The following FNIP2 variants were observed in gnomAD, a reference collection of about 807,000 sequenced individuals.
The protein encoded by FNIP2 is folliculin interacting protein 2.
FNIP2 carries 32 observed loss-of-function variants against 108.7 expected under a neutral mutation model. That is an observed-to-expected ratio of 0.29 (90% confidence interval 0.22 to 0.40). The LOEUF is 0.40. Ranked by LOEUF, FNIP2 falls within the 10% of genes least tolerant of loss-of-function variation. The probability of loss-of-function intolerance (pLI) is 1.00; values close to 1 mark genes in which losing one functional copy is unlikely to be tolerated. For synonymous variants in FNIP2, 480 were observed against 496.7 expected (o/e 0.97, Z 0.45); for missense variants, 1,202 against 1,381.6 (o/e 0.87, Z 2.06).
chr4:158,865,196 ATT>A (rs1413706853), intron 12 of FNIP2, among the ~76,000 whole-genome samples: 1 of 152,148 alleles, frequency 6.6e-6, no homozygotes, highest in African/African-American at 2.4e-5. Context: ...ATATAACAAC[ATT>A]TATTATCTTA....
chr4:158,882,787 G>A lies in FNIP2; in HGVS notation c.2950-8659G>A, dbSNP rs371511670. Among the ~76,000 whole-genome samples, 35 of 152,276 alleles carry A rather than the reference G, an allele frequency of 2.3e-4. No individual in the cohort carries two copies. In the East Asian group the frequency reaches 6.4e-3, roughly 28 times the overall value. ...GCAAGATGTGCTTTGTTAAACAGAT[G>A]CTTGAAGGCAGCATGCTCCTTAAGA... On this transcript the variant is annotated intron_variant, in intron 14 of 16. Coordinates refer to ENST00000264433, the MANE Select transcript of FNIP2 (RefSeq NM_020840.3).
intron 16 of FNIP2, among the ~76,000 whole-genome samples, chr4:158,899,251 A>G (rs1782980323): frequency 6.6e-6 from 1 of 152,152 alleles, no homozygotes; most frequent in Non-Finnish European, 1.5e-5. Flanking sequence ...TCAGTTTGCC[A>G]GTGTTTTATT....
At chr4:158,882,257 C>G (rs1320646255) in intron 14 of FNIP2, among the ~76,000 whole-genome samples, 1 of 148,134 alleles carries the variant, frequency 6.8e-6, no homozygotes, top group Non-Finnish European at 1.5e-5. Context: ...AGTGAGGAGC[C>G]CCTCCGCCTG....
At chr4:158,772,942 G>A (rs981458605) in intron 1 of FNIP2, among the ~76,000 whole-genome samples, 1 of 152,066 alleles carries the variant, frequency 6.6e-6, no homozygotes, top group African/African-American at 2.4e-5. Flanking sequence ...GAACTTACTT[G>A]CTGTTCTTGT....
intron 1 of FNIP2, among the ~76,000 whole-genome samples, chr4:158,792,708 A>G (rs550773031): frequency 6.6e-6 from 1 of 152,318 alleles, no homozygotes; most frequent in South Asian, 2.1e-4. Flanking sequence ...GTGGTTCGGT[A>G]TTCACTAATT....
At chr4:158,830,418 G>A (rs937144220) in intron 3 of FNIP2, among the ~76,000 whole-genome samples, 9 of 151,342 alleles carry the variant, frequency 5.9e-5, no homozygotes, top group Non-Finnish European at 8.8e-5. Context: ...GCCCGCCACC[G>A]CGCCCGGCTA....
chr4:158,846,363 G>T lies in FNIP2; in HGVS notation c.728-4958G>T, dbSNP rs73858595. 5.9e-3 allele frequency among the ~76,000 whole-genome samples: 903 copies of T among 152,012 alleles called. 7 individuals are homozygous for T. Among genetic ancestry groups the T allele is most frequent in the African/African-American group, 0.02 (811 of 41,462 alleles). On this transcript the variant is annotated intron_variant, in intron 7 of 16. Coordinates refer to ENST00000264433, the MANE Select transcript of FNIP2 (RefSeq NM_020840.3). The stretch of plus-strand genomic sequence containing the variant: ...TGATCCACTAGACAATTCAGAATCC[G>T]CTAGCAGATAGCAGCTTTCATGAAA...
At chr4:158,866,406 C>T (rs1173114290) in intron 12 of FNIP2, among the ~76,000 whole-genome samples, 9 of 149,014 alleles carry the variant, frequency 6.0e-5, no homozygotes, top group Non-Finnish European at 1.0e-4. Flanking sequence ...TGGGTAGAGA[C>T]GGGGTTTCAC....
intron 16 of FNIP2, among the ~76,000 whole-genome samples, chr4:158,903,170 G>A (rs1216272174): frequency 6.6e-6 from 1 of 152,196 alleles, no homozygotes; most frequent in African/African-American, 2.4e-5. Context: ...TGGGAAAAGT[G>A]CAGTATCCAG....
chr4:158,888,104 C>A (rs1782113565), intron 14 of FNIP2, among the ~76,000 whole-genome samples: 1 of 152,174 alleles, frequency 6.6e-6, no homozygotes, highest in African/African-American at 2.4e-5. Context: ...GCATTCATTT[C>A]TTTTCTTGAA....
At chr4:158,882,239 G>A (rs1418085712) in intron 14 of FNIP2, among the ~76,000 whole-genome samples, 29 of 149,628 alleles carry the variant, frequency 1.9e-4, no homozygotes, top group African/African-American at 5.9e-4. Flanking sequence ...CAGCCGCCCC[G>A]TCTGAGAAGT....
intron 14 of FNIP2, among the ~76,000 whole-genome samples, chr4:158,888,830 C>T (rs35613171): frequency 0.3 from 44,393 of 149,998 alleles, 7,248 homozygotes; most frequent in Non-Finnish European, 0.38. Context: ...TGCAGTGAGC[C>T]GAGATTGCAC....
intron 12 of FNIP2, among the ~76,000 whole-genome samples, chr4:158,864,265 G>A (rs1780455552): frequency 6.6e-6 from 1 of 152,294 alleles, no homozygotes; most frequent in Non-Finnish European, 1.5e-5. Flanking sequence ...CTGGGCTCAA[G>A]CGATCCAACT....
At chr4:158,884,732 G>C (rs1463997887) in intron 14 of FNIP2, among the ~76,000 whole-genome samples, 1 of 152,116 alleles carries the variant, frequency 6.6e-6, no homozygotes, top group Non-Finnish European at 1.5e-5. Context: ...TGCAGGGCTG[G>C]GGAGGCCTCA....
intron 2 of FNIP2, among the ~76,000 whole-genome samples, chr4:158,827,858 C>T (rs530969198): frequency 1.3e-5 from 2 of 152,086 alleles, no homozygotes; most frequent in African/African-American, 2.4e-5. Flanking sequence ...AAGCACAAAA[C>T]GTCATGAGTT....
In FNIP2 at chr4:158,870,477, A is replaced by G; in HGVS notation, c.2949+8A>G. ...CTTGTCCACACAGTCCATGTAAGTG[A>G]TCCCAGTGTGGAGCCTCTGGCTGCT... On this transcript the variant is annotated splice_region_variant and intron_variant, in intron 14 of 16. Coordinates refer to ENST00000264433, the MANE Select transcript of FNIP2 (RefSeq NM_020840.3). 6.2e-7 allele frequency: 1 copy of G among 1,602,638 alleles called. No individual in the cohort carries two copies. The highest frequency in any genetic ancestry group is 1.1e-5 in the South Asian group (1 of 89,954).
At chr4:158,884,531 C>G (rs1781910941) in intron 14 of FNIP2, among the ~76,000 whole-genome samples, 1 of 152,112 alleles carries the variant, frequency 6.6e-6, no homozygotes, top group Non-Finnish European at 1.5e-5. Context: ...GGACTCACGC[C>G]AGGTCCTTGA....
intron 1 of FNIP2, among the ~76,000 whole-genome samples, chr4:158,816,135 G>T (rs910849171): frequency 3.9e-5 from 6 of 151,968 alleles, no homozygotes; most frequent in Non-Finnish European, 5.9e-5. Context: ...ACCCAAAATA[G>T]GTGACAATTG....
chr4:158,832,781 C>T (rs895075146), intron 5 of FNIP2, among the ~76,000 whole-genome samples: 4 of 152,126 alleles, frequency 2.6e-5, no homozygotes, highest in African/African-American at 9.7e-5. Flanking sequence ...TTATTTATTT[C>T]TTGCGAGATT....
Sources: gnomAD v4.1 joint callset for allele counts (sites outside exome capture counted in the v4.1 genomes callset) on GRCh38, gnomAD v4.1.1 for gene constraint, MANE v1.5 for transcripts, NCBI Gene and HGNC (gene_info 2026-07-23, HGNC 2026-07-21) for gene names.